LAMA2: variants seen among roughly 807,000 people sequenced by gnomAD.
LAMA2 encodes the protein laminin subunit alpha 2.
LAMA2 carries 269 observed loss-of-function variants against 364.8 expected under a neutral mutation model. That is an observed-to-expected ratio of 0.74 (90% CI 0.67 to 0.82). The LOEUF (loss-of-function observed/expected upper bound fraction) is 0.82. Ranked by LOEUF, LAMA2 falls within the 40% of genes least tolerant of loss-of-function variation. The pLI is 0.00. For synonymous variants in LAMA2, 1,379 were observed against 1,370.6 expected, an observed-to-expected ratio of 1.01 and a Z score of -0.14; for missense variants, 3,807 against 3,873.2, an observed-to-expected ratio of 0.98 and a Z score of 0.45.
intron 4 of LAMA2, among the ~76,000 whole-genome samples, chr6:129,141,726 G>T (rs905576593): frequency 6.6e-6 from 1 of 152,028 alleles, no homozygotes; most frequent in African/African-American, 2.4e-5. Flanking sequence ...ATCTTACAAA[G>T]TGGATGAAAA....
chr6:129,484,366 C>A (rs1485809915), intron 55 of LAMA2, among the ~76,000 whole-genome samples: 1 of 152,192 alleles, frequency 6.6e-6, no homozygotes, highest in Non-Finnish European at 1.5e-5. Context: ...CAATTTGGCA[C>A]TATCTCCTGA....
intron 51 of LAMA2, among the ~76,000 whole-genome samples, chr6:129,468,524 A>G (rs1263421525): frequency 1.3e-5 from 2 of 151,952 alleles, no homozygotes; most frequent in Non-Finnish European, 1.5e-5. Flanking sequence ...CGAAGCTGCA[A>G]TGGAAAAAGC....
At chr6:129,453,164 C>T (rs1451548486) in intron 46 of LAMA2, 33 bp downstream of exon 46, 1 of 1,586,714 alleles carries the variant, frequency 6.3e-7, no homozygotes, top group Non-Finnish European at 8.6e-7. Context: ...CATTAGGCTG[C>T]TGTATGTGTA....
chr6:128,964,065 T>G (rs1487621843), intron 1 of LAMA2, among the ~76,000 whole-genome samples: 1 of 152,074 alleles, frequency 6.6e-6, no homozygotes, highest in African/African-American at 2.4e-5. Context: ...AAACACAGTC[T>G]TTTTCTTTGA....
At chr6:129,144,533 T>C (rs1299669017) in intron 5 of LAMA2, among the ~76,000 whole-genome samples, 1 of 151,968 alleles carries the variant, frequency 6.6e-6, no homozygotes, top group Non-Finnish European at 1.5e-5. Flanking sequence ...GAGAGCAGTA[T>C]GTCTTAAACC....
chr6:129,474,724 T>G lies in LAMA2; in HGVS notation c.7440-666T>G, dbSNP rs530212611. Among the ~76,000 whole-genome samples, 105 of 152,310 alleles carry G rather than the reference T, an allele frequency of 6.9e-4. 2 individuals are homozygous for G. The highest frequency in any genetic ancestry group is 1.0e-4 in the Non-Finnish European group (7 of 67,994). Reference sequence around the variant, plus strand: ...GATTTTAATTATCATAAAATAATTTTTAGGAATTATCTATAAAGGTGTGCC... The same window carrying G: ...GATTTTAATTATCATAAAATAATTTGTAGGAATTATCTATAAAGGTGTGCC... On this transcript the variant is annotated intron_variant, in intron 52 of 64. Transcript: ENST00000421865.
Position 129,503,222 on chromosome 6 carries a change from G to A in LAMA2, c.8489G>A (p.Gly2830Glu). The A allele has an allele frequency of 6.2e-7, 1 of 1,614,108 alleles. No homozygotes were observed. The highest frequency in any genetic ancestry group is 8.5e-7 in the Non-Finnish European group (1 of 1,179,994). The change falls in exon 60 of 65, where the codon GGG becomes GAG. Residue 2830 changes from glycine to glutamate, a missense_variant. Around this residue, in one of 3 missense-constraint regions of LAMA2, gnomAD observed 3,333 missense variants for 3,345.7 expected, o/e 1.00. Transcript: ENST00000421865. ...TTGCCCTACTTCAGCTATGACTTGG[G>A]GAGTGGGGACACCCACACCATGATC... ...NGLPYFSYDL[G>E]SGDTHTMIPT...
intron 37 of LAMA2, among the ~76,000 whole-genome samples, chr6:129,396,397 G>A (rs1779619235): frequency 6.6e-6 from 1 of 152,158 alleles, no homozygotes; most frequent in Non-Finnish European, 1.5e-5. Context: ...AGAGGAATTG[G>A]AAGAAAGACA....
intron 8 of LAMA2, chr6:129,158,424 T>C: frequency 6.2e-7 from 1 of 1,613,998 alleles, no homozygotes; most frequent in Non-Finnish European, 8.5e-7. Flanking sequence ...CATCTGAATC[T>C]GTTTGGCAAT....
intron 1 of LAMA2, among the ~76,000 whole-genome samples, chr6:128,967,520 T>G (rs997127115): frequency 1.4e-4 from 21 of 152,236 alleles, no homozygotes; most frequent in African/African-American, 4.6e-4. Context: ...AGACATGATT[T>G]ATGTCTCATA....
intron 40 of LAMA2, among the ~76,000 whole-genome samples, chr6:129,424,046 A>G (rs754363174): frequency 6.6e-6 from 1 of 152,078 alleles, no homozygotes; most frequent in Non-Finnish European, 1.5e-5. Flanking sequence ...GATTATTAGA[A>G]TAGATTAAAG....
intron 45 of LAMA2, among the ~76,000 whole-genome samples, chr6:129,449,671 T>A (rs963091645): frequency 1.3e-5 from 2 of 152,214 alleles, no homozygotes; most frequent in African/African-American, 4.8e-5. Context: ...TTGTTAGATA[T>A]GTATTCTATA....
In LAMA2 at chr6:129,440,921, G is replaced by A. The variant is rs1782077619; in HGVS notation, c.6191G>A (p.Gly2064Asp). Reference sequence around the variant, plus strand: ...ACAGAGCTCCACCAGAACCTCGATGGCCTGAAGAAGAATTACAATAAACTA... The same window carrying A: ...ACAGAGCTCCACCAGAACCTCGATGACCTGAAGAAGAATTACAATAAACTA... Reference protein sequence around the residue: ...QITELHQNLDGLKKNYNKLAD... With the variant: ...QITELHQNLDDLKKNYNKLAD... Residue 2064 changes from glycine to aspartate, a missense_variant, in exon 43 of 65, where the codon GGC (glycine) becomes GAC (aspartate). By Grantham distance (94) the Gly-to-Asp change is moderately conservative. Around this residue, in one of 3 missense-constraint regions of LAMA2, gnomAD observed 3,333 missense variants for 3,345.7 expected, o/e 1.00. Transcript: ENST00000421865. 1 of 1,613,928 alleles carries A rather than the reference G, an allele frequency of 6.2e-7. No individual in the cohort carries two copies.
At chr6:129,033,518 T>G (rs1038950552) in intron 1 of LAMA2, among the ~76,000 whole-genome samples, 1 of 152,194 alleles carries the variant, frequency 6.6e-6, no homozygotes, top group Admixed American at 6.5e-5. Flanking sequence ...GATTTATCAT[T>G]GTTTTATTTT....
chr6:128,947,581 T>C (rs552410380), intron 1 of LAMA2, among the ~76,000 whole-genome samples: 1 of 152,186 alleles, frequency 6.6e-6, no homozygotes, highest in Non-Finnish European at 1.5e-5. Context: ...TTATCTCAGA[T>C]GAGATTGTGT....
At chr6:129,172,689 G>T (rs1317015514) in intron 9 of LAMA2, among the ~76,000 whole-genome samples, 1 of 152,210 alleles carries the variant, frequency 6.6e-6, no homozygotes, top group Non-Finnish European at 1.5e-5. Context: ...CTTGAGCTGT[G>T]GTGGGCTCCA....
In LAMA2 at chr6:129,419,394, G is replaced by A. The variant is rs560087039; in HGVS notation, c.5866-8358G>A. 4.6e-5 allele frequency among the ~76,000 whole-genome samples: 7 copies of A among 152,186 alleles called. No individual in the cohort carries two copies. The East Asian group carries it at 7.7e-4, about 17-fold the overall frequency. ...TGGACATTAACTAGAGGGAAAATTC[G>A]AAGCCCTCTAAGAATGGTATCTAAC... is the stretch of plus-strand genomic sequence containing the variant. On this transcript the variant is annotated intron_variant, in intron 40 of 64. Transcript: ENST00000421865.
At chr6:129,032,660 G>A (rs1786320549) in intron 1 of LAMA2, among the ~76,000 whole-genome samples, 1 of 152,168 alleles carries the variant, frequency 6.6e-6, no homozygotes, top group African/African-American at 2.4e-5. Context: ...TGTAAAAAAA[G>A]GGCTAAAGAA....
chr6:129,456,952 T>C (rs1252364202), intron 48 of LAMA2, among the ~76,000 whole-genome samples: 1 of 152,192 alleles, frequency 6.6e-6, no homozygotes. Flanking sequence ...CTCAAGTTGC[T>C]CTTATTCTTA....
Sources: gnomAD v4.1 joint callset for allele counts (sites outside exome capture counted in the v4.1 genomes callset) on GRCh38, gnomAD v4.1.1 for gene constraint, gnomAD v4.1.1 regional missense constraint, MANE v1.5 for transcripts, NCBI Gene and HGNC (gene_info 2026-07-23, HGNC 2026-07-21) for gene names.